SOX5: variants seen among roughly 807,000 people sequenced by gnomAD.
The protein encoded by SOX5 is transcription factor SOX-5.
SOX5 carries 9 observed loss-of-function variants against 92.0 expected under a neutral mutation model. The ratio of observed to expected loss-of-function variants is 0.10; its 90% confidence interval spans 0.06 to 0.17. The LOEUF (loss-of-function observed/expected upper bound fraction) is 0.17, where lower values mean the gene tolerates loss of function less well. SOX5 is among the 10% of genes least tolerant of loss of function. The probability of loss-of-function intolerance (pLI) is 1.00; values close to 1 mark genes in which losing one functional copy is unlikely to be tolerated. For synonymous variants in SOX5, 344 were observed against 336.3 expected (o/e 1.02, Z -0.25); for missense variants, 642 against 944.5 (o/e 0.68, Z 4.20).
chr12:23,755,504 A>T (rs1345469547), intron 4 of SOX5, 134 bp downstream of exon 4: 8 of 630,336 alleles, frequency 1.3e-5, no homozygotes, highest in African/African-American at 2.0e-5. Context: ...TTCAAGATAG[A>T]AAGAAGAAAC....
At chr12:23,892,269 C>G (rs945986354) in intron 2 of SOX5, among the ~76,000 whole-genome samples, 2 of 151,900 alleles carry the variant, frequency 1.3e-5, no homozygotes, top group Admixed American at 6.6e-5. Context: ...TATAATTCAC[C>G]AGGAAGGTAA....
chr12:24,412,909 C>T (rs1964374676), intron 1 of SOX5, among the ~76,000 whole-genome samples: 2 of 151,868 alleles, frequency 1.3e-5, no homozygotes, highest in Admixed American at 1.3e-4. Flanking sequence ...GTGCCCACCA[C>T]CACGCCCGGC....
At chr12:23,567,275 A>C (rs1317078716) in intron 10 of SOX5, among the ~76,000 whole-genome samples, 2 of 152,132 alleles carry the variant, frequency 1.3e-5, no homozygotes, top group African/African-American at 2.4e-5. Flanking sequence ...AGTCAGGATC[A>C]GATGGGAGGG....
chr12:23,977,184 T>C (rs1048410152), intron 4 of SOX5, among the ~76,000 whole-genome samples: 1 of 152,192 alleles, frequency 6.6e-6, no homozygotes, highest in Non-Finnish European at 1.5e-5. Flanking sequence ...TTAATTTCTT[T>C]CAATATTTCA....
intron 4 of SOX5, among the ~76,000 whole-genome samples, chr12:24,021,462 A>G (rs140538213): frequency 6.6e-6 from 1 of 152,304 alleles, no homozygotes; most frequent in East Asian, 1.9e-4. Flanking sequence ...CCACAGCATT[A>G]ACGCTTTTCA....
chr12:23,553,863 T>A (rs1944660500), intron 11 of SOX5, among the ~76,000 whole-genome samples: 2 of 152,154 alleles, frequency 1.3e-5, no homozygotes, highest in South Asian at 4.1e-4. Context: ...ATAGGATTAC[T>A]TTCTTCAAAT....
At chr12:24,331,848 C>CAAAAAAAA (rs10627494) in intron 2 of SOX5, among the ~76,000 whole-genome samples, 357 of 31,680 alleles carry the variant, frequency 0.011, 14 homozygotes, top group Middle Eastern at 0.056. Flanking sequence ...AAGACTGTCT[C>CAAAAAAAA]AAAAAAAAAA....
chr12:23,739,295 T>C (rs895999376), intron 5 of SOX5, among the ~76,000 whole-genome samples: 29 of 152,338 alleles, frequency 1.9e-4, no homozygotes, highest in African/African-American at 6.5e-4. Context: ...TCTTACGTTG[T>C]ATTTACTACC....
chr12:24,561,835 T>C (rs1025689869), intron 1 of SOX5, among the ~76,000 whole-genome samples: 1 of 152,106 alleles, frequency 6.6e-6, no homozygotes, highest in African/African-American at 2.4e-5. Flanking sequence ...GTCGCTCTGA[T>C]ATCCTAGAAG....
chr12:24,038,731 G>T (rs913579494), intron 4 of SOX5, among the ~76,000 whole-genome samples: 1 of 152,042 alleles, frequency 6.6e-6, no homozygotes, highest in Non-Finnish European at 1.5e-5. Context: ...TTTCAACTTC[G>T]TATTATTCAC....
rs141401139 is a variant in SOX5, at chr12:23,723,851, T to C, written c.810+10833A>G. ...TGTACATTATAAAGTTAGTTCACCT[T>C]TTCTAATCTACTATGTAGATATAAG... On this transcript the variant is annotated intron_variant, in intron 6 of 14. Coordinates refer to ENST00000451604, the MANE Select transcript of SOX5 (RefSeq NM_006940.6). Among the ~76,000 whole-genome samples the C allele has an allele frequency of 9.2e-5, 14 of 152,140 alleles. No individual in the cohort carries two copies. In the East Asian group the frequency reaches 2.7e-3, roughly 29 times the overall value.
At chr12:23,971,916 A>G (rs1948383746) in intron 4 of SOX5, among the ~76,000 whole-genome samples, 1 of 152,102 alleles carries the variant, frequency 6.6e-6, no homozygotes, top group Non-Finnish European at 1.5e-5. Context: ...TTTCCATTTT[A>G]TTGACGAAAA....
intron 4 of SOX5, among the ~76,000 whole-genome samples, chr12:24,064,799 C>T (rs1356068465): frequency 4.6e-5 from 7 of 152,124 alleles, no homozygotes; most frequent in Non-Finnish European, 1.0e-4. Flanking sequence ...ATACATGTCT[C>T]AGAAGAGGTG....
chr12:24,494,512 G>A (rs1239703431), intron 1 of SOX5, among the ~76,000 whole-genome samples: 4 of 152,296 alleles, frequency 2.6e-5, no homozygotes, highest in African/African-American at 9.6e-5. Context: ...ACTAAGATAT[G>A]GAAAGGTTAC....
At chr12:24,501,561 C>A (rs1019810130) in intron 1 of SOX5, among the ~76,000 whole-genome samples, 1 of 152,136 alleles carries the variant, frequency 6.6e-6, no homozygotes, top group Non-Finnish European at 1.5e-5. Flanking sequence ...TGCAGTGGCT[C>A]ACACCTGTGA....
chr12:23,545,758 C>T (rs1057502485), intron 12 of SOX5, among the ~76,000 whole-genome samples: 3 of 151,792 alleles, frequency 2.0e-5, no homozygotes, highest in Non-Finnish European at 4.4e-5. Flanking sequence ...GAAGTGAGGC[C>T]GCATGCAGTA....
At chr12:23,685,776 T>C (rs2087450003) in intron 6 of SOX5, among the ~76,000 whole-genome samples, 1 of 152,094 alleles carries the variant, frequency 6.6e-6, no homozygotes. Flanking sequence ...CCCCATGAGG[T>C]ATTATCAAAA....
intron 1 of SOX5, among the ~76,000 whole-genome samples, chr12:24,441,833 C>A (rs149297801): frequency 6.6e-6 from 1 of 152,142 alleles, no homozygotes; most frequent in African/African-American, 2.4e-5. Context: ...TCTGTTGGAA[C>A]GGCACTCTGC....
chr12:23,751,880 C>T (rs937622255), intron 4 of SOX5, among the ~76,000 whole-genome samples: 6 of 151,922 alleles, frequency 3.9e-5, no homozygotes, highest in South Asian at 4.1e-4. Flanking sequence ...ATTAATGCAC[C>T]GTGACCAGGG....
Sources: gnomAD v4.1 joint callset for allele counts (sites outside exome capture counted in the v4.1 genomes callset) on GRCh38, gnomAD v4.1.1 for gene constraint, MANE v1.5 for transcripts, NCBI Gene and HGNC (gene_info 2026-07-23, HGNC 2026-07-21) for gene names.